The following PRAG1 variants were observed in gnomAD, a reference collection of about 807,000 sequenced individuals.
PRAG1 encodes the protein inactive tyrosine-protein kinase PRAG1.
Under a neutral mutation model 95.6 loss-of-function variants are expected in PRAG1, and 110 were observed. The ratio of observed to expected loss-of-function variants is 1.15; its 90% CI spans 0.99 to 1.35. The LOEUF (loss-of-function observed/expected upper bound fraction) is 1.35. Ranked by LOEUF, PRAG1 falls within the 40% of genes most tolerant of loss-of-function variation. PRAG1 has a pLI of 0.00. For synonymous variants in PRAG1, 1,052 were observed against 819.4 expected (o/e 1.28, Z -4.85); for missense variants, 2,554 against 1,864.7 (o/e 1.37, Z -6.81).
chr8:8,354,705 A>T (rs1799632189), intron 3 of PRAG1, among the ~76,000 whole-genome samples: 1 of 152,188 alleles, frequency 6.6e-6, no homozygotes, highest in Non-Finnish European at 1.5e-5. Context: ...TAGAAAAAGC[A>T]TTTGACAAGG....
At chr8:8,345,377 A>G (rs569005565) in intron 3 of PRAG1, among the ~76,000 whole-genome samples, 9 of 151,640 alleles carry the variant, frequency 5.9e-5, no homozygotes, top group Non-Finnish European at 1.2e-4. Context: ...CAAAAAAAAA[A>G]AAAAAGAAAG....
intron 4 of PRAG1, among the ~76,000 whole-genome samples, chr8:8,337,583 T>C (rs886274671): frequency 2.0e-5 from 3 of 152,152 alleles, no homozygotes; most frequent in African/African-American, 4.8e-5. Context: ...GGGCAGCAGA[T>C]AGAATGGTTG....
intron 3 of PRAG1, among the ~76,000 whole-genome samples, chr8:8,368,963 G>C (rs1800103961): frequency 6.6e-6 from 1 of 151,950 alleles, no homozygotes; most frequent in South Asian, 2.1e-4. Flanking sequence ...CCGGTAGCAG[G>C]AATGAAATGT....
rs150731735 is a variant in PRAG1 at position 8,338,791 on chromosome 8, T to C, written c.2320+687A>G. 3.3e-5 allele frequency among the ~76,000 whole-genome samples: 5 copies of C among 152,216 alleles called. No homozygotes were observed. The East Asian group carries it at 9.7e-4, about 29-fold the overall frequency. On this transcript the variant is annotated intron_variant, in intron 4 of 5. Transcript: ENST00000615670. Reference sequence around the variant, plus strand: ...AAAAAGGAAGTCATGTGAGTACAAGTCTAAATCCAACATGCTAACGCAAGT... The same window carrying C: ...AAAAAGGAAGTCATGTGAGTACAAGCCTAAATCCAACATGCTAACGCAAGT...
chr8:8,378,916 G>T (rs1036113023), intron 2 of PRAG1, among the ~76,000 whole-genome samples: 2 of 151,982 alleles, frequency 1.3e-5, no homozygotes, highest in Non-Finnish European at 2.9e-5. Context: ...ACATTGGGTG[G>T]GTGGGTGTGG....
At chr8:8,327,682 C>A in intron 5 of PRAG1, 28 bp downstream of exon 5, 2 of 1,584,898 alleles carry the variant, frequency 1.3e-6, no homozygotes, top group South Asian at 1.2e-5. Context: ...AGTGGCACAG[C>A]AGAATGCAAG....
chr8:8,319,269 A>G lies in PRAG1; in HGVS notation c.3106T>C (p.Tyr1036His), dbSNP rs1291682735. ...TGCACGGGCACGGACGGGCTGCAGT[A>G]GGAGACTGTTTTGGGCTCAGGGGCT... Reference protein sequence around the residue: ...CKAPEPKTVSYCSPSVPVHFN... With the variant: ...CKAPEPKTVSHCSPSVPVHFN... Residue 1036 changes from tyrosine (Y) to histidine (H), a missense_variant, in exon 6 of 6, where the codon TAC becomes CAC. Physicochemically the swap from Tyr to His is moderately conservative, Grantham distance 83. Transcript: ENST00000615670. The G allele has an allele frequency of 7.2e-6, 11 of 1,527,482 alleles. No homozygotes were observed. Among genetic ancestry groups the G allele is most frequent in the East Asian group, 2.3e-5 (1 of 43,102 alleles). 94.6% of individuals were successfully genotyped at this position (1,527,482 alleles called of 1,614,324 possible). A position where few individuals can be genotyped will look rare whatever the true frequency, so the allele number is the denominator to read the frequency against.
At position 8,376,385 on chromosome 8, in the gene PRAG1, T is replaced by G; in HGVS notation, c.2024A>C (p.His675Pro). ...CTGCCCAGAGGAGCCATCTGTGGGG[T>G]GGAGACGGTGCCAGGTCGTGGAGTT... The part of the protein sequence containing the change: ...HSNSTTWHRL[H>P]PTDGSSGQNS... The change falls in exon 3 of 6, where the codon CAC becomes CCC. Residue 675 changes from histidine (H) to proline (P), a missense_variant. Coordinates refer to ENST00000615670, the MANE Select transcript of PRAG1 (RefSeq NM_001080826.3). The G allele has an allele frequency of 6.2e-7, 1 of 1,614,070 alleles. No homozygotes were observed. The highest frequency in any genetic ancestry group is 8.5e-7 in the Non-Finnish European group (1 of 1,180,024).
At chr8:8,382,833 C>G (rs182821282) in intron 1 of PRAG1, among the ~76,000 whole-genome samples, 1 of 152,266 alleles carries the variant, frequency 6.6e-6, no homozygotes, top group East Asian at 1.9e-4. Flanking sequence ...ATGGCAAACA[C>G]AAGAACTTGG....
intron 3 of PRAG1, among the ~76,000 whole-genome samples, chr8:8,352,610 G>A (rs1799558697): frequency 6.6e-6 from 1 of 152,188 alleles, no homozygotes; most frequent in South Asian, 2.1e-4. Flanking sequence ...CTTAAGTGCA[G>A]AGAAGTGAGA....
At chr8:8,323,043 G>C (rs2102866) in intron 5 of PRAG1, among the ~76,000 whole-genome samples, 27,893 of 152,086 alleles carry the variant, frequency 0.18, 3,212 homozygotes, top group East Asian at 0.33. Flanking sequence ...CAAACAAAAA[G>C]CACACAAATG....
chr8:8,344,295 GA>G (rs1251376961), intron 3 of PRAG1, among the ~76,000 whole-genome samples: 1 of 151,988 alleles, frequency 6.6e-6, no homozygotes, highest in Non-Finnish European at 1.5e-5. Context: ...TATAGCAGTA[GA>G]AAAAAATGAA....
intron 3 of PRAG1, among the ~76,000 whole-genome samples, chr8:8,371,067 C>A (rs1182814102): frequency 7.1e-6 from 1 of 141,458 alleles, no homozygotes; most frequent in African/African-American, 2.6e-5. Context: ...ACCCGGGAGG[C>A]GGAGGTTGCA....
intron 3 of PRAG1, among the ~76,000 whole-genome samples, chr8:8,352,194 C>G (rs1411997955): frequency 6.6e-6 from 1 of 152,194 alleles, no homozygotes; most frequent in Non-Finnish European, 1.5e-5. Context: ...CTTCCCCATT[C>G]TTCACGCTGG....
intron 4 of PRAG1, among the ~76,000 whole-genome samples, chr8:8,332,156 T>G (rs768027048): frequency 4.1e-4 from 52 of 126,448 alleles, no homozygotes; most frequent in Non-Finnish European, 5.2e-4. Context: ...TATCTACACA[T>G]ATTACGATTT....
At chr8:8,335,346 G>A (rs1798952708) in intron 4 of PRAG1, among the ~76,000 whole-genome samples, 1 of 152,114 alleles carries the variant, frequency 6.6e-6, no homozygotes, top group Non-Finnish European at 1.5e-5. Flanking sequence ...TTCAAAAAAT[G>A]AGGCAGTCCT....
intron 1 of PRAG1, among the ~76,000 whole-genome samples, chr8:8,382,204 G>A (rs1482722123): frequency 2.6e-5 from 4 of 152,186 alleles, no homozygotes; most frequent in African/African-American, 7.2e-5. Context: ...TGTATTCCCT[G>A]ACACCGGGGC....
chr8:8,353,245 T>C (rs1317849012), intron 3 of PRAG1, among the ~76,000 whole-genome samples: 5 of 152,190 alleles, frequency 3.3e-5, no homozygotes, highest in Non-Finnish European at 7.4e-5. Context: ...ACTTTCCATA[T>C]AACAGCAGCA....
chr8:8,353,148 A>G (rs745965551), intron 3 of PRAG1, among the ~76,000 whole-genome samples: 1 of 152,228 alleles, frequency 6.6e-6, no homozygotes, highest in Non-Finnish European at 1.5e-5. Flanking sequence ...ATTTTCAACA[A>G]TGTGATAGAT....
Sources: gnomAD v4.1 joint callset for allele counts (sites outside exome capture counted in the v4.1 genomes callset) on GRCh38, gnomAD v4.1.1 for gene constraint, MANE v1.5 for transcripts, NCBI Gene and HGNC (gene_info 2026-07-23, HGNC 2026-07-21) for gene names.